Variants in CLEC16A observed in about 807,000 individuals in gnomAD.
CLEC16A encodes the protein protein CLEC16A.
Under a neutral mutation model 109.5 loss-of-function variants are expected in CLEC16A, and 51 were observed. That is an observed-to-expected ratio of 0.47 (90% CI 0.37 to 0.59). The LOEUF is 0.59. CLEC16A is among the 20% of genes least tolerant of loss of function. CLEC16A has a pLI of 0.00. For missense variants in CLEC16A, 1,339 were observed against 1,394.0 expected (o/e 0.96, Z 0.63); for synonymous variants, 673 against 564.2 (o/e 1.19, Z -2.73).
chr16:11,063,360 C>T (rs1190785017), intron 19 of CLEC16A, among the ~76,000 whole-genome samples: 1 of 144,264 alleles, frequency 6.9e-6, no homozygotes, highest in Admixed American at 7.3e-5. Flanking sequence ...GAAAATCACC[C>T]TAGTGTGCAA....
chr16:11,031,457 A>G (rs80000109), intron 13 of CLEC16A, among the ~76,000 whole-genome samples: 32,306 of 152,120 alleles, frequency 0.21, 4,754 homozygotes, highest in African/African-American at 0.42. Flanking sequence ...GAGACCACTC[A>G]CCTGTGTTCC....
chr16:10,976,649 C>G (rs1013476970), intron 7 of CLEC16A, among the ~76,000 whole-genome samples: 2 of 152,206 alleles, frequency 1.3e-5, no homozygotes, highest in Non-Finnish European at 2.9e-5. Context: ...AGCATCCTCA[C>G]CAGCTGTTTC....
intron 19 of CLEC16A, among the ~76,000 whole-genome samples, chr16:11,084,504 G>A (rs1258623959): frequency 6.6e-6 from 1 of 152,122 alleles, no homozygotes; most frequent in Admixed American, 6.5e-5. Context: ...GAGGACATTG[G>A]CCTTGTTTTC....
chr16:11,160,376 C>G (rs2054679797), intron 22 of CLEC16A, among the ~76,000 whole-genome samples: 1 of 152,136 alleles, frequency 6.6e-6, no homozygotes. Flanking sequence ...TCTCTGTGAC[C>G]AGGTGTGAAC....
At chr16:11,100,318 C>T (rs1021299630) in intron 19 of CLEC16A, among the ~76,000 whole-genome samples, 14 of 152,272 alleles carry the variant, frequency 9.2e-5, no homozygotes, top group African/African-American at 2.4e-4. Flanking sequence ...TCCCTTTCTC[C>T]GCCTGCTGGT....
chr16:11,171,333 C>T (rs2068504098), intron 23 of CLEC16A, among the ~76,000 whole-genome samples: 3 of 152,200 alleles, frequency 2.0e-5, no homozygotes, highest in Admixed American at 1.3e-4. Flanking sequence ...GCTATGGGTG[C>T]CCTGGAGTGG....
chr16:11,056,833 A>G (rs2048236526), intron 18 of CLEC16A: 1 of 152,222 alleles, frequency 6.6e-6, no homozygotes, highest in Non-Finnish European at 1.5e-5. Context: ...CTTTGTCTGT[A>G]AAAAGAGTGT....
chr16:11,133,285 G>A (rs2053343476), intron 22 of CLEC16A, among the ~76,000 whole-genome samples: 1 of 151,730 alleles, frequency 6.6e-6, no homozygotes, highest in African/African-American at 2.4e-5. Flanking sequence ...GTTGCAGTGA[G>A]CTGAGATCTT....
chr16:11,058,374 C>G (rs527760467), intron 18 of CLEC16A, among the ~76,000 whole-genome samples: 1 of 152,328 alleles, frequency 6.6e-6, no homozygotes, highest in Admixed American at 6.5e-5. Flanking sequence ...TGCATATAAC[C>G]TATGCACATC....
chr16:11,056,418 G>A (rs1217180007), intron 18 of CLEC16A: 1 of 152,168 alleles, frequency 6.6e-6, no homozygotes, highest in Non-Finnish European at 1.5e-5. Context: ...TGTAAGGTGG[G>A]AAAGAAATAG....
intron 11 of CLEC16A, among the ~76,000 whole-genome samples, chr16:11,009,273 T>C (rs1311694210): frequency 6.6e-6 from 1 of 152,218 alleles, no homozygotes; most frequent in African/African-American, 2.4e-5. Flanking sequence ...TTTCCTTCTC[T>C]TTCTTTTTTT....
At chr16:10,972,011 C>T (rs1245240775) in intron 5 of CLEC16A, among the ~76,000 whole-genome samples, 1 of 152,204 alleles carries the variant, frequency 6.6e-6, no homozygotes, top group Admixed American at 6.5e-5. Context: ...ACTGGGCTTA[C>T]ATTAAATTTA....
chr16:11,021,151 A>G (rs1163542114), intron 12 of CLEC16A, among the ~76,000 whole-genome samples: 2 of 152,188 alleles, frequency 1.3e-5, no homozygotes, highest in Non-Finnish European at 2.9e-5. Flanking sequence ...CTCTTTAGTA[A>G]TCCAACTTCA....
At chr16:11,117,249 C>CAAACCGTATACTTAAAATAGGT (rs1180119034) in intron 19 of CLEC16A, among the ~76,000 whole-genome samples, 4 of 152,150 alleles carry the variant, frequency 2.6e-5, no homozygotes, top group Admixed American at 6.5e-5. Context: ...TACTAAAACT[C>CAAACCGTATACTTAAAATAGGT]AAACCGTATA....
chr16:11,174,154 T>G lies in CLEC16A; in HGVS notation c.2807-4181T>G, dbSNP rs1242006037. On this transcript the variant is annotated intron_variant, in intron 23 of 23. Transcript: ENST00000409790. This position sits in a 1 kb window ranked among gnomAD's most constrained non-coding sequence, Gnocchi z 4.7. The stretch of plus-strand genomic sequence containing the variant: ...ATCTGTCGCTGTGTTTTCCCTCTAG[T>G]CAGGAGTGGCAGGAAAGGACGCCGA... The G allele has an allele frequency of 2.1e-6, 1 of 470,048 alleles. No homozygotes were observed. Among genetic ancestry groups the G allele is most frequent in the Non-Finnish European group, 4.4e-6 (1 of 226,650 alleles). 29.1% of individuals were successfully genotyped at this position (470,048 alleles called of 1,614,324 possible). A position where few individuals can be genotyped will look rare whatever the true frequency, so the allele number is the denominator to read the frequency against.
intron 3 of CLEC16A, among the ~76,000 whole-genome samples, chr16:10,964,210 T>C (rs1339483982): frequency 6.6e-6 from 1 of 152,246 alleles, no homozygotes; most frequent in African/African-American, 2.4e-5. Flanking sequence ...GTGGTGCTGC[T>C]GCCTCAGAGA....
intron 19 of CLEC16A, among the ~76,000 whole-genome samples, chr16:11,084,762 C>T (rs372517125): frequency 6.6e-6 from 1 of 152,204 alleles, no homozygotes; most frequent in Non-Finnish European, 1.5e-5. Context: ...AAATCATTCG[C>T]GTTCCACCTG....
intron 19 of CLEC16A, among the ~76,000 whole-genome samples, chr16:11,065,028 G>C (rs887864): frequency 9.2e-5 from 14 of 151,954 alleles, no homozygotes; most frequent in Non-Finnish European, 1.5e-4. Context: ...GTCATTGCTC[G>C]GATGATGGCA....
Position 10,950,100 on chromosome 16 carries a change from G to A in CLEC16A, c.80+5303G>A, listed in dbSNP as rs546095586. Among the ~76,000 whole-genome samples the A allele has an allele frequency of 4.6e-5, 7 of 152,262 alleles. No individual in the cohort carries two copies. In the South Asian group the frequency reaches 1.5e-3, roughly 32 times the overall value. On this transcript the variant is annotated intron_variant, in intron 1 of 23. Coordinates refer to ENST00000409790, the MANE Select transcript of CLEC16A (RefSeq NM_015226.3). ...ACTTCTCATCGCCAAAGAGTGGGTCGGCTGTTAGCTCCTGTGCGTTCTTAA... is the reference window on the plus strand; with the variant it reads ...ACTTCTCATCGCCAAAGAGTGGGTCAGCTGTTAGCTCCTGTGCGTTCTTAA...
Sources: gnomAD v4.1 joint callset for allele counts (sites outside exome capture counted in the v4.1 genomes callset) on GRCh38, gnomAD v4.1.1 for gene constraint, Gnocchi (gnomAD v3.1) non-coding constraint, MANE v1.5 for transcripts, NCBI Gene and HGNC (gene_info 2026-07-23, HGNC 2026-07-21) for gene names.